PPP2R5A: variants seen among roughly 807,000 people sequenced by gnomAD.
The protein encoded by PPP2R5A is serine/threonine-protein phosphatase 2A 56 kDa regulatory subunit alpha isoform.
Under a neutral mutation model 64.2 loss-of-function variants are expected in PPP2R5A, and 25 were observed. That is an observed-to-expected ratio of 0.39 (90% CI 0.28 to 0.54). The LOEUF is 0.54. Ranked by LOEUF, PPP2R5A falls within the 20% of genes least tolerant of loss-of-function variation. The probability of loss-of-function intolerance (pLI) is 0.67; values close to 1 mark genes in which losing one functional copy is unlikely to be tolerated. For missense variants in PPP2R5A, 425 were observed against 576.3 expected, an observed-to-expected ratio of 0.74 and a Z score of 2.69; for synonymous variants, 198 against 201.2, an observed-to-expected ratio of 0.98 and a Z score of 0.13.
chr1:212,316,431 C>T (rs1443683629), intron 1 of PPP2R5A, among the ~76,000 whole-genome samples: 1 of 152,128 alleles, frequency 6.6e-6, no homozygotes, highest in African/African-American at 2.4e-5. Flanking sequence ...CAGAACATGT[C>T]TAAAAATGCC....
chr1:212,301,782 CTG>C, intron 1 of PPP2R5A: 1 of 1,085,188 alleles, frequency 9.2e-7, no homozygotes, highest in Non-Finnish European at 1.1e-6. Flanking sequence ...CAGCGTGTCA[CTG>C]TAGTGGTATT....
chr1:212,349,607 C>A (rs186214747), intron 8 of PPP2R5A, among the ~76,000 whole-genome samples: 141 of 152,260 alleles, frequency 9.3e-4, no homozygotes, highest in Non-Finnish European at 1.4e-3. Context: ...AACTACTACT[C>A]CCTTGAATTT....
intron 1 of PPP2R5A, chr1:212,302,154 T>G: frequency 2.2e-6 from 3 of 1,383,198 alleles, no homozygotes; most frequent in Non-Finnish European, 3.0e-6. Flanking sequence ...GAGAAATGAA[T>G]AGAGACTAGA....
chr1:212,333,494 C>A lies in PPP2R5A; in HGVS notation c.379-3C>A. On this transcript the variant is annotated splice_region_variant and splice_polypyrimidine_tract_variant and intron_variant, in intron 2 of 12. Coordinates refer to ENST00000261461, the MANE Select transcript of PPP2R5A (RefSeq NM_006243.4). Reference sequence around the variant, plus strand: ...CGAACGTAAAATTATTTTTTCTTTACAGATCAGTGCTAACATCTTCCGTAC... The same window carrying A: ...CGAACGTAAAATTATTTTTTCTTTAAAGATCAGTGCTAACATCTTCCGTAC... 1 of 1,507,166 alleles carries A rather than the reference C, an allele frequency of 6.6e-7. No homozygotes were observed. The highest frequency in any genetic ancestry group is 9.0e-7 in the Non-Finnish European group (1 of 1,117,230). 93.4% of individuals were successfully genotyped at this position (1,507,166 alleles called of 1,614,324 possible). A position where few individuals can be genotyped will look rare whatever the true frequency, so the allele number is the denominator to read the frequency against.
chr1:212,345,673 A>G, intron 4 of PPP2R5A, 130 bp from the exon 5 acceptor site: 1 of 769,256 alleles, frequency 1.3e-6, no homozygotes, highest in Non-Finnish European at 2.0e-6. Flanking sequence ...AGCAAGAATA[A>G]AGTCAGTGTG....
chr1:212,328,016 T>C (rs1189903344), intron 1 of PPP2R5A, among the ~76,000 whole-genome samples: 1 of 152,156 alleles, frequency 6.6e-6, no homozygotes, highest in East Asian at 1.9e-4. Flanking sequence ...GGTTTTGCCA[T>C]GTTGGCAAGG....
chr1:212,324,523 C>T (rs755195706), intron 1 of PPP2R5A, among the ~76,000 whole-genome samples: 1 of 152,102 alleles, frequency 6.6e-6, no homozygotes, highest in Non-Finnish European at 1.5e-5. Flanking sequence ...AATATATGCA[C>T]TCATCTTCAT....
intron 1 of PPP2R5A, among the ~76,000 whole-genome samples, chr1:212,324,815 T>C (rs541099672): frequency 6.6e-5 from 10 of 152,154 alleles, no homozygotes; most frequent in South Asian, 2.1e-4. Context: ...CCATGTTAGC[T>C]AGGATGGTCT....
At chr1:212,302,428 A>G (rs1464218076) in intron 1 of PPP2R5A, among the ~76,000 whole-genome samples, 1 of 152,160 alleles carries the variant, frequency 6.6e-6, no homozygotes, top group Non-Finnish European at 1.5e-5. Context: ...AAACTAGTGG[A>G]TTCTGTGTAT....
At chr1:212,291,093 A>C (rs1386647352) in intron 1 of PPP2R5A, among the ~76,000 whole-genome samples, 1 of 151,950 alleles carries the variant, frequency 6.6e-6, no homozygotes, top group Non-Finnish European at 1.5e-5. Context: ...CTATACTTGG[A>C]GAGGTCATTT....
intron 1 of PPP2R5A, among the ~76,000 whole-genome samples, chr1:212,326,346 C>A (rs1322540592): frequency 2.6e-5 from 4 of 151,768 alleles, no homozygotes; most frequent in African/African-American, 9.7e-5. Flanking sequence ...GTAATCCCAG[C>A]ACTTTGGGAG....
chr1:212,342,737 C>G (rs1659706302), intron 4 of PPP2R5A, among the ~76,000 whole-genome samples: 1 of 152,100 alleles, frequency 6.6e-6, no homozygotes, highest in African/African-American at 2.4e-5. Context: ...TATCAATTAC[C>G]TTTTCCTTTT....
intron 4 of PPP2R5A, among the ~76,000 whole-genome samples, chr1:212,343,114 A>AT (rs56845610): frequency 0.15 from 23,045 of 149,296 alleles, 2,394 homozygotes; most frequent in East Asian, 0.37. Flanking sequence ...TGCCCGGCTG[A>AT]TTTTTTTTTT....
At chr1:212,311,293 C>T (rs2102420288) in intron 1 of PPP2R5A, among the ~76,000 whole-genome samples, 1 of 152,056 alleles carries the variant, frequency 6.6e-6, no homozygotes, top group South Asian at 2.1e-4. Flanking sequence ...ACGGTGAAAC[C>T]CCGTCTCTAC....
At chr1:212,347,265 T>C in intron 5 of PPP2R5A, 82 bp from the exon 6 acceptor site, 1 of 1,000,678 alleles carries the variant, frequency 1.0e-6, no homozygotes, top group Non-Finnish European at 1.5e-6. Context: ...TCCTTTGGAT[T>C]GATTTCTTCA....
At chr1:212,349,165 T>C in intron 7 of PPP2R5A, 24 bp from the exon 8 acceptor site, 2 of 1,456,642 alleles carry the variant, frequency 1.4e-6, no homozygotes, top group Non-Finnish European at 1.9e-6. Flanking sequence ...CACTAATATT[T>C]ATAAACTGTC....
intron 1 of PPP2R5A, among the ~76,000 whole-genome samples, chr1:212,296,436 G>A (rs1391687314): frequency 6.6e-6 from 1 of 151,936 alleles, no homozygotes; most frequent in East Asian, 1.9e-4. Flanking sequence ...ACCTTTACTG[G>A]CCTGCCAAGA....
At chr1:212,302,824 G>A (rs1194228422) in intron 1 of PPP2R5A, among the ~76,000 whole-genome samples, 4 of 152,128 alleles carry the variant, frequency 2.6e-5, no homozygotes, top group Non-Finnish European at 4.4e-5. Flanking sequence ...CATTTCATGT[G>A]AATGGAATAT....
At chr1:212,321,868 A>G (rs965093288) in intron 1 of PPP2R5A, among the ~76,000 whole-genome samples, 1 of 150,202 alleles carries the variant, frequency 6.7e-6, no homozygotes, top group Non-Finnish European at 1.5e-5. Flanking sequence ...GCGAGCCGAG[A>G]TCATGCCACT....
Sources: allele counts gnomAD v4.1 joint callset (sites outside exome capture counted in the v4.1 genomes callset), GRCh38; gene constraint gnomAD v4.1.1; transcripts MANE v1.5; gene names NCBI Gene and HGNC (gene_info 2026-07-23, HGNC 2026-07-21).